The following NBAS variants were observed in gnomAD, a reference collection of about 807,000 sequenced individuals.
The protein encoded by NBAS is NBAS subunit of NRZ tethering complex.
In NBAS, 219 loss-of-function variants were observed where a neutral mutation model predicts 302.5. The ratio of observed to expected loss-of-function variants is 0.72; its 90% CI spans 0.65 to 0.81. The LOEUF is 0.81. Ranked by LOEUF, NBAS falls within the 30% of genes least tolerant of loss-of-function variation. The probability of loss-of-function intolerance (pLI) is 0.00; values close to 1 mark genes in which losing one functional copy is unlikely to be tolerated. For missense variants in NBAS, 2,932 were observed against 2,841.6 expected, an observed-to-expected ratio of 1.03 and a Z score of -0.72; for synonymous variants, 1,118 against 1,021.6, an observed-to-expected ratio of 1.09 and a Z score of -1.80.
At chr2:15,479,678 A>C (rs945080881) in intron 12 of NBAS, among the ~76,000 whole-genome samples, 2 of 152,232 alleles carry the variant, frequency 1.3e-5, no homozygotes, top group Non-Finnish European at 2.9e-5. Context: ...TCTTTGTCAA[A>C]ACTAATGATA....
the NBAS span, among the ~76,000 whole-genome samples, chr2:15,113,532 A>G: frequency 6.6e-6 from 1 of 152,142 alleles, no homozygotes; most frequent in Non-Finnish European, 1.5e-5. Context: ...ATTTTTCTCT[A>G]CCAGGTGATA....
chr2:15,024,246 G>A, the NBAS span, among the ~76,000 whole-genome samples: 2 of 151,558 alleles, frequency 1.3e-5, no homozygotes, highest in Non-Finnish European at 2.9e-5. Context: ...TTCTCCATTA[G>A]TTTGCTAAGG....
At chr2:14,839,411 T>G in the NBAS span, among the ~76,000 whole-genome samples, 1 of 151,912 alleles carries the variant, frequency 6.6e-6, no homozygotes, top group African/African-American at 2.4e-5. Flanking sequence ...ACAGGAAGAA[T>G]CCAGAGTGAC....
Position 15,234,733 on chromosome 2 carries a change from T to C in NBAS, c.5958A>G (p.Lys1986=). The C allele has an allele frequency of 1.2e-6, 2 of 1,614,110 alleles. No individual in the cohort carries two copies. Among genetic ancestry groups the C allele is most frequent in the Non-Finnish European group, 1.7e-6 (2 of 1,179,972 alleles). ...LKNSEQETLQ[K]YSHLYDLSRS... is the part of the protein sequence containing the mutation. ...GGGACAGATCATAGAGGTGACTGTA[T>C]TTTTGCAGTGTTTCCTGTAAAGACA... Residue 1986 remains lysine (K), a synonymous_variant, in exon 46 of 52, where the codon AAA becomes AAG. Transcript: ENST00000281513.
Position 15,461,781 on chromosome 2 carries a change from C to A in NBAS, c.2108G>T (p.Gly703Val). The part of the protein sequence containing the change: ...DRLATYEEIL[G>V]VPHASEQRYD... ...TCTCTGTTCAGATGCATGAGGCACT[C>A]CTAGGATTTCCTGAGGGGAAATTTA... Residue 703 changes from glycine to valine, a missense_variant, in exon 20 of 52, where the codon GGA (glycine) becomes GTA (valine). Coordinates refer to ENST00000281513, the MANE Select transcript of NBAS (RefSeq NM_015909.4). 6.3e-7 allele frequency: 1 copy of A among 1,582,210 alleles called. No individual in the cohort carries two copies.
At chr2:15,142,147 G>A in the NBAS span, among the ~76,000 whole-genome samples, 3 of 152,216 alleles carry the variant, frequency 2.0e-5, no homozygotes, top group Non-Finnish European at 4.4e-5. Context: ...GCCAGGAGGA[G>A]TGCATGTCAG....
intron 44 of NBAS, among the ~76,000 whole-genome samples, chr2:15,269,177 G>C (rs1669206649): frequency 1.3e-5 from 2 of 152,154 alleles, no homozygotes; most frequent in African/African-American, 4.8e-5. Flanking sequence ...GGAACACGGG[G>C]CTTCAGTGGG....
the NBAS span, among the ~76,000 whole-genome samples, chr2:14,953,902 G>C: frequency 1.3e-5 from 2 of 152,180 alleles, no homozygotes; most frequent in Middle Eastern, 3.2e-3. Flanking sequence ...TTCATGGAAA[G>C]GGATGTGGTG....
At chr2:15,107,009 G>C in the NBAS span, among the ~76,000 whole-genome samples, 146,681 of 152,146 alleles carry the variant, frequency 0.96, 70,731 homozygotes, top group East Asian at 1. Context: ...GGTCTGTTCC[G>C]CAATAAAACC....
the NBAS span, among the ~76,000 whole-genome samples, chr2:14,872,539 G>A: frequency 6.6e-6 from 1 of 152,178 alleles, no homozygotes; most frequent in Non-Finnish European, 1.5e-5. Context: ...TGTTCCTTCT[G>A]ATATTTGGAA....
intron 31 of NBAS, among the ~76,000 whole-genome samples, chr2:15,368,944 T>C (rs1020509597): frequency 6.6e-6 from 1 of 152,196 alleles, no homozygotes; most frequent in African/African-American, 2.4e-5. Context: ...TCTGAGTTTT[T>C]CACAACAGCA....
At chr2:15,233,319 C>G (rs747147978) in intron 46 of NBAS, among the ~76,000 whole-genome samples, 2 of 152,018 alleles carry the variant, frequency 1.3e-5, no homozygotes, top group Non-Finnish European at 2.9e-5. Context: ...GGATCAGAAC[C>G]AAATCTTTAG....
the NBAS span, among the ~76,000 whole-genome samples, chr2:15,033,023 A>T: frequency 6.6e-6 from 1 of 152,062 alleles, no homozygotes; most frequent in Non-Finnish European, 1.5e-5. Context: ...TAAGAACTTG[A>T]CTACTATCCA....
At chr2:14,785,314 C>T in the NBAS span, among the ~76,000 whole-genome samples, 1 of 152,068 alleles carries the variant, frequency 6.6e-6, no homozygotes, top group Non-Finnish European at 1.5e-5. Flanking sequence ...CCTTTATTTC[C>T]TTCTCCTGCC....
chr2:14,799,231 T>C, the NBAS span, among the ~76,000 whole-genome samples: 1 of 152,082 alleles, frequency 6.6e-6, no homozygotes, highest in South Asian at 2.1e-4. Flanking sequence ...TTAACTTTGA[T>C]CGGTATCAAT....
chr2:15,452,537 G>A (rs1191666229), intron 21 of NBAS, among the ~76,000 whole-genome samples: 2 of 149,998 alleles, frequency 1.3e-5, no homozygotes, highest in South Asian at 2.1e-4. Context: ...GCACTGAGCC[G>A]AGATCGCGCC....
chr2:15,206,188 C>G (rs1165807610), intron 48 of NBAS, among the ~76,000 whole-genome samples: 1 of 152,108 alleles, frequency 6.6e-6, no homozygotes, highest in East Asian at 1.9e-4. Context: ...TTATTGGGAA[C>G]TGGAATAAAG....
intron 44 of NBAS, among the ~76,000 whole-genome samples, chr2:15,243,298 T>TA (rs1667944647): frequency 6.6e-6 from 1 of 151,882 alleles, no homozygotes; most frequent in Middle Eastern, 3.2e-3. Flanking sequence ...AGCCGGGCAA[T>TA]AAAAAAACCC....
chr2:15,192,234 ATT>A (rs56108047), intron 48 of NBAS, among the ~76,000 whole-genome samples: 63 of 138,604 alleles, frequency 4.5e-4, no homozygotes, highest in African/African-American at 7.6e-4. Flanking sequence ...AGAAGAGGCT[ATT>A]TTTTTTTTTT....
Sources: gnomAD v4.1 joint callset for allele counts (sites outside exome capture counted in the v4.1 genomes callset) on GRCh38, gnomAD v4.1.1 for gene constraint, MANE v1.5 for transcripts, NCBI Gene and HGNC (gene_info 2026-07-23, HGNC 2026-07-21) for gene names.